CDHR3: variants seen among roughly 807,000 people sequenced by gnomAD.
CDHR3 encodes cadherin-related family member 3.
A neutral mutation model predicts 86.6 loss-of-function variants in CDHR3; 79 were observed. The ratio of observed to expected loss-of-function variants is 0.91; its 90% CI spans 0.76 to 1.10. The LOEUF (loss-of-function observed/expected upper bound fraction) is 1.10, where lower values mean the gene tolerates loss of function less well. Ranked by LOEUF, CDHR3 falls within the 50% of genes least tolerant of loss-of-function variation. CDHR3 has a pLI of 0.00. For synonymous variants in CDHR3, 421 were observed against 402.4 expected, an observed-to-expected ratio of 1.05 and a Z score of -0.55; for missense variants, 1,081 against 1,077.6, an observed-to-expected ratio of 1.00 and a Z score of -0.04.
intron 1 of CDHR3, among the ~76,000 whole-genome samples, chr7:105,965,546 T>C (rs1826743149): frequency 7.0e-6 from 1 of 142,124 alleles, no homozygotes; most frequent in Admixed American, 7.4e-5. Flanking sequence ...TATGCTTCCT[T>C]CAAGGCCCAA....
Position 106,035,050 on chromosome 7 carries a change from G to C in CDHR3, c.*2353G>C, listed in dbSNP as rs1563322625. Among the ~76,000 whole-genome samples the C allele has an allele frequency of 6.6e-6, 1 of 150,844 alleles. No individual in the cohort carries two copies. Among genetic ancestry groups the C allele is most frequent in the Admixed American group, 6.6e-5 (1 of 15,128 alleles). The stretch of plus-strand genomic sequence containing the variant: ...GCTGAGATTGCGCCACTGCACTCCA[G>C]CCTGGGTGACAAGGGCAAAACTCTG... On this transcript the variant is annotated 3_prime_UTR_variant, in exon 19 of 19. Coordinates refer to ENST00000317716, the MANE Select transcript of CDHR3 (RefSeq NM_152750.5).
chr7:106,025,493 G>A (rs185541070), intron 15 of CDHR3, among the ~76,000 whole-genome samples: 1 of 152,228 alleles, frequency 6.6e-6, no homozygotes, highest in East Asian at 1.9e-4. Context: ...TACAAATCTT[G>A]TTTCATTATT....
chr7:106,014,668 G>A (rs1348419245), intron 9 of CDHR3, among the ~76,000 whole-genome samples: 1 of 152,126 alleles, frequency 6.6e-6, no homozygotes, highest in Admixed American at 6.5e-5. Context: ...TGTGAATATG[G>A]CTTCTCTCTC....
intron 4 of CDHR3, 43 bp from the exon 5 acceptor site, chr7:105,994,708 G>T (rs908544155): frequency 2.3e-6 from 3 of 1,307,552 alleles, no homozygotes; most frequent in Non-Finnish European, 3.3e-6. Flanking sequence ...GGAAGGGTGG[G>T]CAGGTGGGCT....
At chr7:106,014,373 A>G (rs1006873183) in intron 9 of CDHR3, among the ~76,000 whole-genome samples, 3 of 152,188 alleles carry the variant, frequency 2.0e-5, no homozygotes, top group African/African-American at 7.2e-5. Flanking sequence ...ATAGATACCT[A>G]TGGTAAGTTT....
intron 1 of CDHR3, 117 bp downstream of exon 1, chr7:105,963,481 C>T: frequency 9.4e-7 from 1 of 1,065,682 alleles, no homozygotes; most frequent in Non-Finnish European, 1.4e-6. Context: ...CAATTGAGGG[C>T]TTAGCTGCAG....
At chr7:105,998,994 A>G (rs115965439) in intron 6 of CDHR3, among the ~76,000 whole-genome samples, 88 of 152,254 alleles carry the variant, frequency 5.8e-4, no homozygotes, top group African/African-American at 2.0e-3. Context: ...CACTTACTGA[A>G]TACTCATTCA....
intron 1 of CDHR3, among the ~76,000 whole-genome samples, chr7:105,966,835 C>T (rs1827012099): frequency 6.6e-6 from 1 of 152,186 alleles, no homozygotes; most frequent in African/African-American, 2.4e-5. Flanking sequence ...CTTTCTCAGG[C>T]CCACCCCATA....
intron 15 of CDHR3, among the ~76,000 whole-genome samples, chr7:106,025,256 C>T (rs993902045): frequency 6.6e-6 from 1 of 152,208 alleles, no homozygotes; most frequent in Non-Finnish European, 1.5e-5. Flanking sequence ...GCTCTTACAA[C>T]TTACAGCTTA....
chr7:106,004,726 C>G, intron 8 of CDHR3, 39 bp downstream of exon 8: 1 of 1,597,700 alleles, frequency 6.3e-7, no homozygotes, highest in Non-Finnish European at 8.6e-7. Flanking sequence ...CATTCTATCT[C>G]TTTGGTGGCC....
At chr7:106,019,131 AT>A (rs1311680392) in intron 12 of CDHR3, among the ~76,000 whole-genome samples, 1 of 152,204 alleles carries the variant, frequency 6.6e-6, no homozygotes, top group Non-Finnish European at 1.5e-5. Flanking sequence ...ATAGACAAAG[AT>A]TGGTTCAGAG....
At chr7:106,018,160 G>A (rs541975867) in intron 12 of CDHR3, 88 bp downstream of exon 12, 9 of 1,000,424 alleles carry the variant, frequency 9.0e-6, no homozygotes, top group South Asian at 1.5e-5. Flanking sequence ...ATGTGGCAAT[G>A]AGGAAACTTC....
chr7:105,974,009 T>C (rs1828387251), intron 1 of CDHR3, among the ~76,000 whole-genome samples: 1 of 152,242 alleles, frequency 6.6e-6, no homozygotes, highest in East Asian at 1.9e-4. Flanking sequence ...CATGAATCTT[T>C]TGGGGACACT....
intron 8 of CDHR3, among the ~76,000 whole-genome samples, chr7:106,008,380 C>A (rs760681897): frequency 6.6e-6 from 1 of 152,200 alleles, no homozygotes; most frequent in Non-Finnish European, 1.5e-5. Context: ...CTGCTTCCTC[C>A]ACTGGCTTCC....
chr7:106,031,255 A>G (rs1838315467), intron 18 of CDHR3, among the ~76,000 whole-genome samples: 1 of 152,130 alleles, frequency 6.6e-6, no homozygotes, highest in Non-Finnish European at 1.5e-5. Context: ...ACTTATTAGT[A>G]GTGGAAGATA....
intron 4 of CDHR3, among the ~76,000 whole-genome samples, chr7:105,994,296 T>A (rs1487940571): frequency 6.6e-6 from 1 of 152,066 alleles, no homozygotes; most frequent in Non-Finnish European, 1.5e-5. Flanking sequence ...ATAGGTATAG[T>A]AGCTGTATTA....
chr7:105,983,114 C>T (rs1446807319), intron 3 of CDHR3, among the ~76,000 whole-genome samples: 2 of 152,184 alleles, frequency 1.3e-5, no homozygotes, highest in African/African-American at 2.4e-5. Context: ...TAATGTTTCT[C>T]ACTAATATAC....
rs1365455293 is a variant in CDHR3 at position 106,034,686 on chromosome 7, C to CA, written c.*1992dup. Reference sequence around the variant, plus strand: ...ATTGCAAATCTGTGGGGCCCGGAGTCAAATGCTTTCCTTGGAAGCTCTCAG... The same window carrying CA: ...ATTGCAAATCTGTGGGGCCCGGAGTCAAAATGCTTTCCTTGGAAGCTCTCAG... On this transcript the variant is annotated 3_prime_UTR_variant, in exon 19 of 19. Transcript: ENST00000317716. 9.9e-5 allele frequency among the ~76,000 whole-genome samples: 15 copies of CA among 152,194 alleles called. No individual in the cohort carries two copies. Among genetic ancestry groups the CA allele is most frequent in the Non-Finnish European group, 1.5e-4 (10 of 68,042 alleles).
At chr7:106,017,514 G>A (rs138352139) in intron 11 of CDHR3, among the ~76,000 whole-genome samples, 2,192 of 150,548 alleles carry the variant, frequency 0.015, 24 homozygotes, top group African/African-American at 0.024. Context: ...AGCCGAGATC[G>A]CACCACTGCA....
Sources: gnomAD v4.1 joint callset for allele counts (sites outside exome capture counted in the v4.1 genomes callset) on GRCh38, gnomAD v4.1.1 for gene constraint, MANE v1.5 for transcripts, NCBI Gene and HGNC (gene_info 2026-07-23, HGNC 2026-07-21) for gene names.